The following MICU2 variants were observed in gnomAD, a reference collection of about 807,000 sequenced individuals.
MICU2 encodes mitochondrial calcium uptake 2, also known as calcium uptake protein 2, mitochondrial.
In MICU2, 64 loss-of-function variants were observed where a neutral mutation model predicts 60.4. The observed-to-expected ratio is 1.06, with a 90% CI of 0.87 to 1.31. The LOEUF is 1.31. Ranked by LOEUF, MICU2 falls within the 50% of genes most tolerant of loss-of-function variation. The pLI is 0.00. For synonymous variants in MICU2, 201 were observed against 175.0 expected, an observed-to-expected ratio of 1.15 and a Z score of -1.17; for missense variants, 569 against 531.0, an observed-to-expected ratio of 1.07 and a Z score of -0.70.
chr13:21,576,016 T>C (rs1315056855), intron 1 of MICU2, among the ~76,000 whole-genome samples: 1 of 152,116 alleles, frequency 6.6e-6, no homozygotes, highest in South Asian at 2.1e-4. Context: ...ACTCACTCCC[T>C]AGTGGGGAAG....
chr13:21,534,601 T>C (rs1172196256), intron 4 of MICU2, among the ~76,000 whole-genome samples: 2 of 152,162 alleles, frequency 1.3e-5, no homozygotes, highest in Non-Finnish European at 2.9e-5. Context: ...ATACTTTCAA[T>C]ACACAGAAAG....
intron 1 of MICU2, among the ~76,000 whole-genome samples, chr13:21,599,494 C>T (rs1246391078): frequency 6.6e-6 from 1 of 152,174 alleles, no homozygotes; most frequent in Non-Finnish European, 1.5e-5. Context: ...TTAAAAGCAG[C>T]AGTTTACATA....
chr13:21,566,890 G>C lies in MICU2; in HGVS notation c.265C>G (p.Arg89Gly), dbSNP rs1306767706. ...TCGAGTGAAGAAAACTGCATGAAGC[G>C]CTGCTTACGAAGAGACGGTTTCCCA... ...YIGKPSLRKQ[R>G]FMQFSSLEHE... The change falls in exon 2 of 12, where the codon CGC becomes GGC. Residue 89 changes from arginine (R) to glycine (G), a missense_variant. Coordinates refer to ENST00000382374, the MANE Select transcript of MICU2 (RefSeq NM_152726.3). The C allele has an allele frequency of 6.2e-7, 1 of 1,612,244 alleles. No individual in the cohort carries two copies. The highest frequency in any genetic ancestry group is 1.3e-5 in the African/African-American group (1 of 74,724).
At chr13:21,554,542 G>A (rs1269257904) in intron 2 of MICU2, among the ~76,000 whole-genome samples, 3 of 152,086 alleles carry the variant, frequency 2.0e-5, no homozygotes, top group African/African-American at 4.8e-5. Flanking sequence ...AGTGTGTAGA[G>A]GGAAATTTAT....
intron 1 of MICU2, among the ~76,000 whole-genome samples, chr13:21,570,986 G>A (rs1439827135): frequency 6.6e-6 from 1 of 152,166 alleles, no homozygotes; most frequent in African/African-American, 2.4e-5. Context: ...TTCTTAATCT[G>A]TTCTTTTCCT....
At chr13:21,493,574 G>A (rs759152498) in intron 11 of MICU2, among the ~76,000 whole-genome samples, 1 of 152,182 alleles carries the variant, frequency 6.6e-6, no homozygotes. Context: ...GAACCAGACT[G>A]AGCACACATT....
At chr13:21,498,488 C>A (rs1344549346) in intron 9 of MICU2, among the ~76,000 whole-genome samples, 1 of 146,146 alleles carries the variant, frequency 6.8e-6, no homozygotes, top group Non-Finnish European at 1.5e-5. Flanking sequence ...AAGCAATTCT[C>A]CTGTCTCAGC....
intron 1 of MICU2, among the ~76,000 whole-genome samples, chr13:21,575,055 C>T (rs973548974): frequency 1.3e-5 from 2 of 152,200 alleles, no homozygotes; most frequent in African/African-American, 4.8e-5. Context: ...TCTGAAATAT[C>T]GTCTGATCTA....
chr13:21,576,446 A>G (rs1458970334), intron 1 of MICU2, among the ~76,000 whole-genome samples: 1 of 152,322 alleles, frequency 6.6e-6, no homozygotes, highest in East Asian at 1.9e-4. Context: ...ACCACTAGGG[A>G]TAACAACATT....
intron 8 of MICU2, among the ~76,000 whole-genome samples, chr13:21,507,868 G>C (rs1347550549): frequency 6.6e-6 from 1 of 151,648 alleles, no homozygotes; most frequent in African/African-American, 2.4e-5. Context: ...CTTCTAAAGT[G>C]CTGGGATACA....
chr13:21,502,552 TTGG>T (rs1886201369), intron 9 of MICU2, among the ~76,000 whole-genome samples: 2 of 152,198 alleles, frequency 1.3e-5, no homozygotes, highest in Non-Finnish European at 2.9e-5. Flanking sequence ...CTGGATTCTC[TTGG>T]GTTCTCTAGG....
intron 8 of MICU2, among the ~76,000 whole-genome samples, chr13:21,504,211 T>C (rs1272519290): frequency 1.3e-5 from 2 of 152,160 alleles, no homozygotes; most frequent in South Asian, 2.1e-4. Flanking sequence ...TTTACTGATA[T>C]ACTTTGCCTT....
chr13:21,525,112 C>T (rs918050516), intron 4 of MICU2, among the ~76,000 whole-genome samples: 1 of 149,100 alleles, frequency 6.7e-6, no homozygotes, highest in Non-Finnish European at 1.5e-5. Flanking sequence ...TAAGCCCCTG[C>T]TTTCATTTCT....
In MICU2 at chr13:21,538,452, G is replaced by T. The variant is rs937046926; in HGVS notation, c.466+850C>A. Among the ~76,000 whole-genome samples, 3 of 149,596 alleles carry T rather than the reference G, an allele frequency of 2.0e-5. No homozygotes were observed. In the Admixed American group the frequency reaches 2.0e-4, roughly 10 times the overall value. ...CCATGTATGGTGGTGCACACCTGTAGTCCCAGCAGGCTGCAGCAGGAGGAC... is the reference window on the plus strand; with the variant it reads ...CCATGTATGGTGGTGCACACCTGTATTCCCAGCAGGCTGCAGCAGGAGGAC... On this transcript the variant is annotated intron_variant, in intron 4 of 11. Coordinates refer to ENST00000382374, the MANE Select transcript of MICU2 (RefSeq NM_152726.3).
intron 1 of MICU2, among the ~76,000 whole-genome samples, chr13:21,587,056 C>T (rs1888475767): frequency 6.6e-6 from 1 of 152,142 alleles, no homozygotes; most frequent in South Asian, 2.1e-4. Context: ...GCTCTCCTCT[C>T]TCAGATGGGT....
chr13:21,503,512 T>C lies in MICU2; in HGVS notation c.762-415A>G, dbSNP rs552704379. Among the ~76,000 whole-genome samples the C allele has an allele frequency of 1.7e-3, 256 of 152,370 alleles. 3 individuals carry two copies. Among genetic ancestry groups the C allele is most frequent in the African/African-American group, 6.0e-3 (248 of 41,586 alleles). ...TGGGACACTGCTTTTAGAATGTTAA[T>C]CATAATTACTACTTCCTAATATTTT... On this transcript the variant is annotated intron_variant, in intron 8 of 11. Transcript: ENST00000382374.
chr13:21,494,220 A>G (rs1885936005), intron 11 of MICU2, among the ~76,000 whole-genome samples: 1 of 152,228 alleles, frequency 6.6e-6, no homozygotes, highest in African/African-American at 2.4e-5. Flanking sequence ...TTGTTGCAGG[A>G]AATGGAATTG....
intron 2 of MICU2, among the ~76,000 whole-genome samples, chr13:21,554,778 CA>C (rs1887661169): frequency 6.6e-6 from 1 of 151,872 alleles, no homozygotes; most frequent in African/African-American, 2.4e-5. Context: ...AGACCGCTAG[CA>C]AGACTAATAA....
intron 2 of MICU2, among the ~76,000 whole-genome samples, chr13:21,549,444 T>C: frequency 6.6e-6 from 1 of 152,244 alleles, no homozygotes; most frequent in East Asian, 1.9e-4. Flanking sequence ...TTTGTGGAAT[T>C]TCAAAGTCCA....
Sources: gnomAD v4.1 joint callset for allele counts (sites outside exome capture counted in the v4.1 genomes callset) on GRCh38, gnomAD v4.1.1 for gene constraint, MANE v1.5 for transcripts, NCBI Gene and HGNC (gene_info 2026-07-23, HGNC 2026-07-21) for gene names.